ZBTB39: variants seen among roughly 807,000 people sequenced by gnomAD.
The protein encoded by ZBTB39 is zinc finger and BTB domain containing 39.
A neutral mutation model predicts 39.4 loss-of-function variants in ZBTB39; 25 were observed. The observed-to-expected ratio is 0.63, with a 90% CI of 0.46 to 0.89. The LOEUF (loss-of-function observed/expected upper bound fraction) is 0.89, where lower values mean the gene tolerates loss of function less well. Among genes scored for constraint, ZBTB39 ranks in the 40% least tolerant of loss-of-function variants. ZBTB39 has a pLI of 0.00. For synonymous variants in ZBTB39, 373 were observed against 359.6 expected, an observed-to-expected ratio of 1.04 and a Z score of -0.42; for missense variants, 891 against 909.7, an observed-to-expected ratio of 0.98 and a Z score of 0.26.
Position 57,003,207 on chromosome 12 carries a change from C to T in ZBTB39, c.1711G>A (p.Gly571Ser). ...KCNSGLDARP[G>S]FGLQHPALQK... The stretch of plus-strand genomic sequence containing the variant: ...AGAGCTGGGTGCTGCAGCCCAAAAC[C>T]AGGCCGTGCATCAAGGCCACTGTTG... Residue 571 changes from glycine (G) to serine (S), a missense_variant, in exon 2 of 2, where the codon GGT becomes AGT. By Grantham distance (56) the Gly-to-Ser change is moderately conservative. Coordinates refer to ENST00000300101, the MANE Select transcript of ZBTB39 (RefSeq NM_014830.3). This position sits in a 1 kb window ranked among gnomAD's most constrained non-coding sequence, Gnocchi z 4.8. 2 of 1,614,156 alleles carry T rather than the reference C, an allele frequency of 1.2e-6. No homozygotes were observed. The highest frequency in any genetic ancestry group is 1.7e-5 in the Admixed American group (1 of 60,028).
At position 57,002,897 on chromosome 12, in the gene ZBTB39, T is replaced by G. The variant is rs1956218226; in HGVS notation, c.2021A>C (p.Asn674Thr). Reference sequence around the variant, plus strand: ...CACACCAACATGTTTGCTCATGAGGTTAAGGGTGGAACTGTAGTGCCCACA... The same window carrying G: ...CACACCAACATGTTTGCTCATGAGGGTAAGGGTGGAACTGTAGTGCCCACA... ...TVCGHYSSTL[N>T]LMSKHVGVHK... Residue 674 changes from asparagine to threonine, a missense_variant, in exon 2 of 2, where the codon AAC becomes ACC. By Grantham distance (65) the Asn-to-Thr change is moderately conservative. Transcript: ENST00000300101. The G allele has an allele frequency of 6.2e-7, 1 of 1,614,072 alleles. No homozygotes were observed. Among genetic ancestry groups the G allele is most frequent in the African/African-American group, 1.3e-5 (1 of 74,992 alleles).
rs145342003 is a variant in ZBTB39 at position 57,001,676 on chromosome 12, C to G, written c.*1103G>C. ...GGTCAAAGGTGAGCTGACAAAGCTC[C>G]GGCACTGTTAGCACAAAGTAAACAG... On this transcript the variant is annotated 3_prime_UTR_variant, in exon 2 of 2. Transcript: ENST00000300101. 3 of 152,918 alleles carry G rather than the reference C, an allele frequency of 2.0e-5. No individual in the cohort carries two copies. Among genetic ancestry groups the G allele is most frequent in the Non-Finnish European group, 4.4e-5 (3 of 68,054 alleles). 9.5% of individuals were successfully genotyped at this position (152,918 alleles called of 1,614,324 possible). A position where few individuals can be genotyped will look rare whatever the true frequency, so the allele number is the denominator to read the frequency against.
At position 57,001,334 on chromosome 12, in the gene ZBTB39, A is replaced by G. The variant is rs1288709483; in HGVS notation, c.*1445T>C. 2.0e-5 allele frequency: 3 copies of G among 152,706 alleles called. No homozygotes were observed. Among genetic ancestry groups the G allele is most frequent in the African/African-American group, 7.2e-5 (3 of 41,472 alleles). 9.5% of individuals were successfully genotyped at this position (152,706 alleles called of 1,614,324 possible). A position where few individuals can be genotyped will look rare whatever the true frequency, so the allele number is the denominator to read the frequency against. On this transcript the variant is annotated 3_prime_UTR_variant, in exon 2 of 2. Coordinates refer to ENST00000300101, the MANE Select transcript of ZBTB39 (RefSeq NM_014830.3). ...AGTTAATGAAAACCACTTGCTTGTG[A>G]AACAGCCCGGGGTGTTGCTGAATCC...
intron 1 of ZBTB39, among the ~76,000 whole-genome samples, chr12:57,005,452 A>G (rs1472781707): frequency 3.3e-5 from 5 of 152,110 alleles, no homozygotes; most frequent in African/African-American, 1.2e-4. Flanking sequence ...TGTGTCTTCA[A>G]CCTCTCAATA....
intron 1 of ZBTB39, among the ~76,000 whole-genome samples, chr12:57,005,840 T>C (rs1483701156): frequency 6.6e-6 from 1 of 152,202 alleles, no homozygotes; most frequent in East Asian, 1.9e-4. Flanking sequence ...GAAGAGCTAC[T>C]TGCATCCCTG....
At chr12:57,005,827 G>A (rs1172834238) in intron 1 of ZBTB39, among the ~76,000 whole-genome samples, 3 of 152,158 alleles carry the variant, frequency 2.0e-5, no homozygotes, top group African/African-American at 2.4e-5. Context: ...CACGACTAAG[G>A]AAGAAGAGCT....
rs2136407833 is a variant in ZBTB39, at chr12:57,000,780, T to A, written c.*1999A>T. The A allele has an allele frequency of 6.6e-6, 1 of 152,342 alleles. No homozygotes were observed. Among genetic ancestry groups the A allele is most frequent in the East Asian group, 1.9e-4 (1 of 5,190 alleles). The allele number at this position is 152,342 out of a possible 1,614,324, so 9.4% of individuals were successfully genotyped here. A position where few individuals can be genotyped will look rare whatever the true frequency, so the allele number is the denominator to read the frequency against. ...TAAACTGGCCACTGTACAAGTCCCTTCATCTAATGGTCACCCCACCAGAGA... is the reference window on the plus strand; with the variant it reads ...TAAACTGGCCACTGTACAAGTCCCTACATCTAATGGTCACCCCACCAGAGA... On this transcript the variant is annotated 3_prime_UTR_variant, in exon 2 of 2. Transcript: ENST00000300101.
Position 57,003,568 on chromosome 12 carries a change from C to A in ZBTB39, c.1350G>T (p.Glu450Asp). Residue 450 changes from glutamate (E) to aspartate (D), a missense_variant, in exon 2 of 2, where the codon GAG (glutamate) becomes GAT (aspartate). By Grantham distance (45) the Glu-to-Asp change is conservative. Transcript: ENST00000300101. This position sits in a 1 kb window ranked among gnomAD's most constrained non-coding sequence, Gnocchi z 4.8. ...LGLFSGAASP[E>D]LKCAACGKVL... is the part of the protein sequence containing the mutation. ...CTTTCCCACAGGCAGCGCATTTCAG[C>A]TCTGGGGAGGCTGCCCCTGAAAAGA... The A allele has an allele frequency of 6.2e-7, 1 of 1,614,154 alleles. No homozygotes were observed. Among genetic ancestry groups the A allele is most frequent in the East Asian group, 2.2e-5 (1 of 44,882 alleles).
Position 57,002,202 on chromosome 12 carries a change from T to G in ZBTB39, c.*577A>C, listed in dbSNP as rs1956213853. On this transcript the variant is annotated 3_prime_UTR_variant, in exon 2 of 2. Coordinates refer to ENST00000300101, the MANE Select transcript of ZBTB39 (RefSeq NM_014830.3). The stretch of plus-strand genomic sequence containing the variant: ...TCTAGCTGCCAAAAGATTTTCACTG[T>G]TCAATCAGCAGATTAGGGCTGTAGA... 1 of 153,492 alleles carries G rather than the reference T, an allele frequency of 6.5e-6. No homozygotes were observed. The highest frequency in any genetic ancestry group is 1.5e-5 in the Non-Finnish European group (1 of 68,722). The allele number at this position is 153,492 out of a possible 1,614,324, so 9.5% of individuals were successfully genotyped here. A position where few individuals can be genotyped will look rare whatever the true frequency, so the allele number is the denominator to read the frequency against.
intron 1 of ZBTB39, among the ~76,000 whole-genome samples, chr12:57,005,580 T>C (rs556051627): frequency 1.3e-5 from 2 of 152,328 alleles, no homozygotes; most frequent in Admixed American, 6.5e-5. Context: ...TCACAGTCCC[T>C]GTATTCTGTG....
chr12:57,001,105 G>A lies in ZBTB39; in HGVS notation c.*1674C>T, dbSNP rs577498150. ...ATTATGCTAGAGACAATCTGGAGAA[G>A]AAGAATTTGCTTAAGGGCTTGACAT... is the stretch of plus-strand genomic sequence containing the variant. On this transcript the variant is annotated 3_prime_UTR_variant, in exon 2 of 2. Coordinates refer to ENST00000300101, the MANE Select transcript of ZBTB39 (RefSeq NM_014830.3). 3 of 152,330 alleles carry A rather than the reference G, an allele frequency of 2.0e-5. No individual in the cohort carries two copies. The East Asian group carries it at 5.8e-4, about 29-fold the overall frequency. 9.4% of individuals were successfully genotyped at this position (152,330 alleles called of 1,614,324 possible). A position where few individuals can be genotyped will look rare whatever the true frequency, so the allele number is the denominator to read the frequency against.
At position 57,002,825 on chromosome 12, in the gene ZBTB39, A is replaced by G. The variant is rs373509070; in HGVS notation, c.2093T>C (p.Met698Thr). The G allele has an allele frequency of 2.5e-6, 4 of 1,614,080 alleles. No homozygotes were observed. The highest frequency in any genetic ancestry group is 1.3e-5 in the African/African-American group (1 of 74,920). ...PPDFTIEQTF[M>T]YIIHSKEADK... ...CGCCTCTTTGGAATGGATGATGTACATGAAGGTCTGCTCGATGGTGAAGTC... is the reference window on the plus strand; with the variant it reads ...CGCCTCTTTGGAATGGATGATGTACGTGAAGGTCTGCTCGATGGTGAAGTC... Residue 698 changes from methionine (M) to threonine (T), a missense_variant, in exon 2 of 2, where the codon ATG becomes ACG. By Grantham distance (81) the Met-to-Thr change is moderately conservative. Coordinates refer to ENST00000300101, the MANE Select transcript of ZBTB39 (RefSeq NM_014830.3).
At position 57,003,998 on chromosome 12, in the gene ZBTB39, T is replaced by C. The variant is rs1242378814; in HGVS notation, c.920A>G (p.Glu307Gly). ...TGTGCCTATATCCTCAGCAGGGTCT[T>C]CAAACTGCAAGTCATCATCCCCCAG... Reference protein sequence around the residue: ...EDLGDDDLQFEDPAEDIGTTE... With the variant: ...EDLGDDDLQFGDPAEDIGTTE... The change falls in exon 2 of 2, where the codon GAA becomes GGA. Residue 307 changes from glutamate to glycine, a missense_variant. Coordinates refer to ENST00000300101, the MANE Select transcript of ZBTB39 (RefSeq NM_014830.3). The surrounding 1 kb of genome is among the most constrained non-coding windows in gnomAD (Gnocchi z 4.8). The C allele has an allele frequency of 9.9e-6, 16 of 1,614,252 alleles. No homozygotes were observed. Among genetic ancestry groups the C allele is most frequent in the Non-Finnish European group, 1.4e-5 (16 of 1,180,050 alleles).
Position 57,004,959 on chromosome 12 carries a change from A to G in ZBTB39, c.-42T>C, listed in dbSNP as rs1235305938. ...AAATTACCTCCTTATCAGCACAGTT[A>G]ATCTGTGGATAGCAAGAGAAAAAGA... On this transcript the variant is annotated splice_region_variant and 5_prime_UTR_variant, in exon 2 of 2. Transcript: ENST00000300101. The G allele has an allele frequency of 6.5e-7, 1 of 1,531,248 alleles. No individual in the cohort carries two copies. 94.9% of individuals were successfully genotyped at this position (1,531,248 alleles called of 1,614,324 possible).
At position 57,000,673 on chromosome 12, in the gene ZBTB39, G is replaced by A. The variant is rs1267113099; in HGVS notation, c.*2106C>T. 2 of 152,404 alleles carry A rather than the reference G, an allele frequency of 1.3e-5. No homozygotes were observed. Among genetic ancestry groups the A allele is most frequent in the South Asian group, 2.1e-4 (1 of 4,826 alleles). 9.4% of individuals were successfully genotyped at this position (152,404 alleles called of 1,614,324 possible). A position where few individuals can be genotyped will look rare whatever the true frequency, so the allele number is the denominator to read the frequency against. ...AAGGGAGAAGCCAGTCAGCAATGAA[G>A]AGTCTCAACACTGCTTTCCTGATGA... On this transcript the variant is annotated 3_prime_UTR_variant, in exon 2 of 2. Transcript: ENST00000300101.
chr12:57,003,329 T>C lies in ZBTB39; in HGVS notation c.1589A>G (p.His530Arg). Reference sequence around the variant, plus strand: ...GAAGAGGGCGTCTTCCAGACTTTGGTGCACAGCCATGTGCTTCTCTAGAAG... The same window carrying C: ...GAAGAGGGCGTCTTCCAGACTTTGGCGCACAGCCATGTGCTTCTCTAGAAG... ...WHLLEKHMAV[H>R]QSLEDALFHC... is the part of the protein sequence containing the mutation. Residue 530 changes from histidine to arginine, a missense_variant, in exon 2 of 2, where the codon CAC becomes CGC. His to Arg is a conservative substitution (Grantham distance 29). Coordinates refer to ENST00000300101, the MANE Select transcript of ZBTB39 (RefSeq NM_014830.3). This position sits in a 1 kb window ranked among gnomAD's most constrained non-coding sequence, Gnocchi z 4.8. 1.2e-6 allele frequency: 2 copies of C among 1,613,916 alleles called. No homozygotes were observed.
rs1956222505 is a variant in ZBTB39 at position 57,003,379 on chromosome 12, A to G, written c.1539T>C (p.Cys513=). 1.9e-6 allele frequency: 3 copies of G among 1,614,160 alleles called. No individual in the cohort carries two copies. Among genetic ancestry groups the G allele is most frequent in the Admixed American group, 3.3e-5 (2 of 60,020 alleles). Residue 513 remains cysteine (C), a synonymous_variant, in exon 2 of 2, where the codon TGT becomes TGC. Transcript: ENST00000300101. This position sits in a 1 kb window ranked among gnomAD's most constrained non-coding sequence, Gnocchi z 4.8. The part of the protein sequence containing the change: ...LGISVFSCSV[C]ANSFVDWHLL... ...GATGCCAGTCCACAAAGCTGTTCGC[A>G]CAGACAGAACAGGAGAAGACTGAGA...
chr12:57,003,041 A>G lies in ZBTB39; in HGVS notation c.1877T>C (p.Ile626Thr). The G allele has an allele frequency of 1.2e-6, 2 of 1,614,150 alleles. No individual in the cohort carries two copies. Among genetic ancestry groups the G allele is most frequent in the Non-Finnish European group, 1.7e-6 (2 of 1,180,032 alleles). ...TTGGTATGGCTTCTCCCCCGTGTGG[A>G]TCCGCCGGTGGTAGTTGAATTCGCT... ...HTSEFNYHRR[I>T]HTGEKPYQCK... The change falls in exon 2 of 2, where the codon ATC becomes ACC. Residue 626 changes from isoleucine to threonine, a missense_variant. Transcript: ENST00000300101. The surrounding 1 kb of genome is among the most constrained non-coding windows in gnomAD (Gnocchi z 4.8).
At position 57,003,516 on chromosome 12, in the gene ZBTB39, G is replaced by A. The variant is rs758487194; in HGVS notation, c.1402C>T (p.Arg468Trp). The stretch of plus-strand genomic sequence containing the variant: ...TTTAGATGGTCAAGGATGTGGCCCC[G>A]GACCACATGGAAATCTTTGGCCAAT... ...KVLAKDFHVVRGHILDHLNLK... is the reference protein window; with the variant it reads ...KVLAKDFHVVWGHILDHLNLK... Residue 468 changes from arginine to tryptophan, a missense_variant, in exon 2 of 2, where the codon CGG becomes TGG. Transcript: ENST00000300101. This position sits in a 1 kb window ranked among gnomAD's most constrained non-coding sequence, Gnocchi z 4.8. 6 of 1,613,982 alleles carry A rather than the reference G, an allele frequency of 3.7e-6. No individual in the cohort carries two copies. The highest frequency in any genetic ancestry group is 1.1e-5 in the South Asian group (1 of 91,074).
Sources: gnomAD v4.1 joint callset for allele counts (sites outside exome capture counted in the v4.1 genomes callset) on GRCh38, gnomAD v4.1.1 for gene constraint, Gnocchi (gnomAD v3.1) non-coding constraint, MANE v1.5 for transcripts, NCBI Gene and HGNC (gene_info 2026-07-23, HGNC 2026-07-21) for gene names.